The following FRMPD4 variants were observed in gnomAD, a reference collection of about 807,000 sequenced individuals.
FRMPD4 encodes FERM and PDZ domain-containing protein 4.
Under a neutral mutation model 94.1 loss-of-function variants are expected in FRMPD4, and 22 were observed. The observed-to-expected ratio is 0.23, with a 90% CI of 0.17 to 0.33. The LOEUF (loss-of-function observed/expected upper bound fraction) is 0.33. FRMPD4 is among the 10% of genes least tolerant of loss of function. FRMPD4 has a pLI of 1.00. For missense variants in FRMPD4, 1,111 were observed against 1,339.9 expected, an observed-to-expected ratio of 0.83 and a Z score of 2.67; for synonymous variants, 631 against 548.6, an observed-to-expected ratio of 1.15 and a Z score of -2.10.
chrX:12,061,490 G>A (rs1392220995), intron 3 of FRMPD4, among the ~76,000 whole-genome samples: 1 of 111,742 alleles, frequency 8.9e-6, no homozygotes, highest in African/African-American at 3.3e-5. Context: ...AATACCCATT[G>A]GGGAGATGAG....
intron 1 of FRMPD4, among the ~76,000 whole-genome samples, chrX:12,215,421 C>T (rs1394066167): frequency 1.8e-5 from 2 of 111,179 alleles, no homozygotes; most frequent in Non-Finnish European, 1.9e-5. Context: ...TTGTGTCCAG[C>T]TGGTTGCAGA....
At chrX:12,609,087 C>T (rs927132093) in intron 2 of FRMPD4, among the ~76,000 whole-genome samples, 7 of 111,958 alleles carry the variant, frequency 6.3e-5, no homozygotes, top group African/African-American at 2.0e-4. Flanking sequence ...TTAGAGAAAA[C>T]AAAATGTTAT....
rs749703729 is a variant in FRMPD4, at chrX:12,053,190, T to A, written c.95+175172T>A. ...CCTTCTCTAATAAAAATACAAAAAA[T>A]TAGGTGGGTGTGGTGGTACATGCCT... On this transcript the variant is annotated intron_variant, in intron 3 of 18. Coordinates refer to the FRMPD4 transcript ENST00000640291. Among the ~76,000 whole-genome samples the A allele has an allele frequency of 7.4e-5, 8 of 107,564 alleles. No homozygotes were observed. The South Asian group carries it at 2.9e-3, about 39-fold the overall frequency. The allele number at this position is 107,564 out of a possible 115,157, so 93.4% of individuals were successfully genotyped here.
At chrX:12,148,726 A>G (rs1336071781) in intron 1 of FRMPD4, among the ~76,000 whole-genome samples, 1 of 112,266 alleles carries the variant, frequency 8.9e-6, no homozygotes, top group African/African-American at 3.2e-5. Context: ...GCTTGAAAGG[A>G]CAGGCTGACT....
At chrX:12,377,911 G>A (rs1008431260) in intron 1 of FRMPD4, among the ~76,000 whole-genome samples, 6 of 112,459 alleles carry the variant, frequency 5.3e-5, no homozygotes, top group Non-Finnish European at 1.1e-4. Context: ...ATTTGCACTG[G>A]CTCATTCAAA....
At chrX:12,661,214 T>G (rs773363362) in intron 4 of FRMPD4, among the ~76,000 whole-genome samples, 12 of 112,500 alleles carry the variant, frequency 1.1e-4, no homozygotes, top group Non-Finnish European at 2.3e-4. Flanking sequence ...GGTGTGTTAC[T>G]TGAAGGTCAT....
Position 12,344,912 on chromosome X carries a change from C to T in FRMPD4, c.42-153768C>T, listed in dbSNP as rs184041764. 2.2e-4 allele frequency among the ~76,000 whole-genome samples: 25 copies of T among 112,140 alleles called. No homozygotes were observed. In the East Asian group the frequency reaches 6.4e-3, roughly 29 times the overall value. ...ATCCTTGCACCCCCATCTAAGCACA[C>T]ACAAAGCAGGAAAAAAATCGTAATC... On this transcript the variant is annotated intron_variant, in intron 1 of 16. Coordinates refer to ENST00000675598, the MANE Select transcript of FRMPD4 (RefSeq NM_001368397.1).
chrX:12,625,931 TA>T lies in FRMPD4; in HGVS notation c.422+11057del, dbSNP rs762528988. On this transcript the variant is annotated intron_variant, in intron 4 of 16. Transcript: ENST00000675598. Reference sequence around the variant, plus strand: ...AATACACACATCTCTTATGTATCAATAAAAAAAGTTTATTAAAAAATAATAA... The same window carrying T: ...AATACACACATCTCTTATGTATCAATAAAAAAGTTTATTAAAAAATAATAA... Among the ~76,000 whole-genome samples the T allele has an allele frequency of 1.1e-4, 12 of 111,774 alleles. 1 individual carries two copies. The South Asian group carries it at 4.5e-3, about 42-fold the overall frequency.
At chrX:12,286,750 A>G (rs1411717657) in intron 1 of FRMPD4, among the ~76,000 whole-genome samples, 1 of 112,136 alleles carries the variant, frequency 8.9e-6, no homozygotes, top group East Asian at 2.8e-4. Context: ...CAAAAGCTAA[A>G]GAATGTGGGG....
intron 1 of FRMPD4, among the ~76,000 whole-genome samples, chrX:12,424,172 C>G (rs1387165423): frequency 8.9e-6 from 1 of 111,972 alleles, no homozygotes; most frequent in South Asian, 3.7e-4. Flanking sequence ...TAGAGTAGTT[C>G]TACTTTGAGC....
rs781412362 is a variant in FRMPD4, at chrX:12,178,257, A to G, written c.41+39245A>G. Among the ~76,000 whole-genome samples the G allele has an allele frequency of 5.4e-5, 6 of 111,768 alleles. No homozygotes were observed. In the South Asian group the frequency reaches 2.3e-3, roughly 42 times the overall value. ...TTGATTCTAGGACTTCCCAGCCTTC[A>G]TAACCGTGAGCAATACATTTCTGTT... is the stretch of plus-strand genomic sequence containing the variant. On this transcript the variant is annotated intron_variant, in intron 1 of 16. Coordinates refer to ENST00000675598, the MANE Select transcript of FRMPD4 (RefSeq NM_001368397.1).
rs912861583 is a variant in FRMPD4, at chrX:12,418,193, G to A, written c.42-80487G>A. 6.4e-5 allele frequency among the ~76,000 whole-genome samples: 7 copies of A among 108,674 alleles called. No homozygotes were observed. In the Admixed American group the frequency reaches 6.9e-4, roughly 11 times the overall value. 94.4% of individuals were successfully genotyped at this position (108,674 alleles called of 115,157 possible). A position where few individuals can be genotyped will look rare whatever the true frequency, so the allele number is the denominator to read the frequency against. ...TTACAGCCCCTCAGTATGGCTGTAT[G>A]GCTGTCCACTTACATTGACTATAAT... On this transcript the variant is annotated intron_variant, in intron 1 of 16. Transcript: ENST00000675598.
chrX:11,825,207 T>C (rs972064466), intron 1 of FRMPD4, among the ~76,000 whole-genome samples: 19 of 104,146 alleles, frequency 1.8e-4, no homozygotes, highest in Non-Finnish European at 1.2e-4. Context: ...TGTGTGTGTG[T>C]GTGTGTGTGT....
At chrX:12,377,295 T>A (rs2056253165) in intron 1 of FRMPD4, among the ~76,000 whole-genome samples, 1 of 112,240 alleles carries the variant, frequency 8.9e-6, no homozygotes, top group South Asian at 3.7e-4. Context: ...GGGAAAAATG[T>A]AAAATTAAAT....
chrX:12,661,918 T>G (rs2059718182), intron 4 of FRMPD4, among the ~76,000 whole-genome samples: 1 of 112,200 alleles, frequency 8.9e-6, no homozygotes, highest in South Asian at 3.7e-4. Flanking sequence ...TGCCAGCAAT[T>G]GACTAGGCTG....
At chrX:12,614,537 C>T (rs915214303) in intron 3 of FRMPD4, among the ~76,000 whole-genome samples, 4 of 111,654 alleles carry the variant, frequency 3.6e-5, no homozygotes, top group African/African-American at 1.3e-4. Flanking sequence ...TAGACTGAGT[C>T]TCGACCTTGC....
chrX:12,553,719 T>A (rs1490458410), intron 2 of FRMPD4, among the ~76,000 whole-genome samples: 1 of 109,207 alleles, frequency 9.2e-6, no homozygotes, highest in Non-Finnish European at 1.9e-5. Context: ...CTGATTCTCA[T>A]GAAGCGAAAT....
At chrX:12,476,205 C>A (rs1439315147) in intron 1 of FRMPD4, among the ~76,000 whole-genome samples, 3 of 111,825 alleles carry the variant, frequency 2.7e-5, no homozygotes, top group African/African-American at 6.5e-5. Flanking sequence ...CAAAAACAAG[C>A]AATGGGGAAA....
At chrX:12,597,084 T>C (rs1423442462) in intron 2 of FRMPD4, among the ~76,000 whole-genome samples, 1 of 112,092 alleles carries the variant, frequency 8.9e-6, no homozygotes, top group Non-Finnish European at 1.9e-5. Context: ...TATCAACCCA[T>C]GGGTGTGACT....
Sources: allele counts gnomAD v4.1 joint callset (sites outside exome capture counted in the v4.1 genomes callset), GRCh38; gene constraint gnomAD v4.1.1; transcripts MANE v1.5; gene names NCBI Gene and HGNC (gene_info 2026-07-23, HGNC 2026-07-21).